The following CES5A variants were observed in gnomAD, a reference collection of about 807,000 sequenced individuals.
CES5A encodes carboxylesterase 5.
Under a neutral mutation model 62.9 loss-of-function variants are expected in CES5A, and 67 were observed. The observed-to-expected ratio is 1.07, with a 90% CI of 0.88 to 1.31. CES5A has a LOEUF of 1.31. Ranked by LOEUF, CES5A falls within the 50% of genes most tolerant of loss-of-function variation. The pLI is 0.00. For missense variants in CES5A, 748 were observed against 708.5 expected (o/e 1.06, Z -0.63); for synonymous variants, 296 against 280.8 (o/e 1.05, Z -0.54).
At chr16:55,944,135 C>G in intron 2 of CES5A, 1 of 701,852 alleles carries the variant, frequency 1.4e-6, no homozygotes, top group Non-Finnish European at 2.6e-6. Flanking sequence ...GACAACCTCT[C>G]TGTATTACTT....
intron 3 of CES5A, among the ~76,000 whole-genome samples, chr16:55,870,196 G>A (rs562264935): frequency 3.2e-4 from 49 of 152,132 alleles, no homozygotes; most frequent in African/African-American, 1.2e-3. Context: ...CCATGTATAA[G>A]AGCAAAAGCA....
At chr16:55,900,146 C>T (rs1384386771) in intron 1 of CES5A, among the ~76,000 whole-genome samples, 4 of 152,296 alleles carry the variant, frequency 2.6e-5, no homozygotes, top group East Asian at 3.9e-4. Context: ...ACCTCCATCG[C>T]AGGCTCATTT....
intron 9 of CES5A, among the ~76,000 whole-genome samples, chr16:55,854,531 C>CTTTCTGTTTTCTTTCTTTTT (rs1555479325): frequency 1.9e-5 from 1 of 52,164 alleles, no homozygotes; most frequent in Non-Finnish European, 3.6e-5. Context: ...TGTAGTGTTT[C>CTTTCTGTTTTCTTTCTTTTT]TTTTTTTTTT....
intron 7 of CES5A, among the ~76,000 whole-genome samples, chr16:55,860,432 A>G (rs1435082550): frequency 1.4e-5 from 2 of 144,132 alleles, no homozygotes; most frequent in Non-Finnish European, 3.0e-5. Flanking sequence ...AGGCTCCTCA[A>G]TAAGAAACTC....
intron 8 of CES5A, among the ~76,000 whole-genome samples, chr16:55,858,958 A>G (rs1328105842): frequency 6.6e-6 from 1 of 152,070 alleles, no homozygotes; most frequent in African/African-American, 2.4e-5. Context: ...TCATATATCT[A>G]TCACTCTCTG....
At chr16:55,880,839 T>A (rs1333682481) in intron 1 of CES5A, among the ~76,000 whole-genome samples, 1 of 152,196 alleles carries the variant, frequency 6.6e-6, no homozygotes, top group Non-Finnish European at 1.5e-5. Flanking sequence ...GAGTACACTG[T>A]GAAAATCAGA....
intron 2 of CES5A, 59 bp from the exon 3 acceptor site, chr16:55,871,822 G>A (rs749723780): frequency 6.3e-7 from 1 of 1,588,704 alleles, no homozygotes; most frequent in Non-Finnish European, 8.6e-7. Flanking sequence ...TGCCTGGGAA[G>A]GGCCAGTTCT....
chr16:55,949,813 A>G, exon 2 of CES5A: 1 of 1,512,578 alleles, frequency 6.6e-7, no homozygotes, highest in Non-Finnish European at 8.8e-7. Flanking sequence ...AGTTTAAGAC[A>G]TCAATCCTCA....
intron 7 of CES5A, among the ~76,000 whole-genome samples, chr16:55,860,560 A>C (rs1175190484): frequency 6.6e-6 from 1 of 152,214 alleles, no homozygotes; most frequent in Non-Finnish European, 1.5e-5. Flanking sequence ...GTGGTAGATG[A>C]AGTGGTCAGG....
chr16:55,887,723 G>A (rs1415249641), intron 1 of CES5A, among the ~76,000 whole-genome samples: 2 of 152,188 alleles, frequency 1.3e-5, no homozygotes, highest in Non-Finnish European at 2.9e-5. Context: ...GACGGTAAAA[G>A]ACATTGTCAT....
At chr16:55,864,765 T>C (rs1402560670) in intron 5 of CES5A, among the ~76,000 whole-genome samples, 1 of 152,116 alleles carries the variant, frequency 6.6e-6, no homozygotes, top group Non-Finnish European at 1.5e-5. Flanking sequence ...AAGAATTAGC[T>C]GGGCATGGTG....
Position 55,952,968 on chromosome 16 carries a change from C to A in CES5A, c.42+2876G>T, listed in dbSNP as rs906377333. ...GCAAGGAAAACATGGATGAAAGGAACAAGCCAATATTGTTTATGAGCAAAG... is the reference window on the plus strand; with the variant it reads ...GCAAGGAAAACATGGATGAAAGGAAAAAGCCAATATTGTTTATGAGCAAAG... On this transcript the variant is annotated intron_variant, in intron 1 of 13. Transcript: ENST00000521992. Among the ~76,000 whole-genome samples the A allele has an allele frequency of 3.9e-5, 6 of 152,220 alleles. No individual in the cohort carries two copies. The South Asian group carries it at 1.2e-3, about 32-fold the overall frequency.
chr16:55,949,876 C>G (rs1334425939), exon 2 of CES5A: 4 of 1,515,316 alleles, frequency 2.6e-6, no homozygotes, highest in East Asian at 2.5e-5. Flanking sequence ...GGCACAATCT[C>G]CACATTCCCC....
chr16:55,849,578 A>C, intron 11 of CES5A, 46 bp downstream of exon 11: 1 of 1,601,726 alleles, frequency 6.2e-7, no homozygotes, highest in East Asian at 2.2e-5. Flanking sequence ...GTGGTGGGGT[A>C]AGCAAGGGGC....
intron 2 of CES5A, chr16:55,949,740 C>A: frequency 1.1e-6 from 1 of 909,300 alleles, no homozygotes. Flanking sequence ...TGGCCAGACT[C>A]AAGGGGCAGA....
intron 1 of CES5A, among the ~76,000 whole-genome samples, chr16:55,897,203 C>T (rs145796323): frequency 6.6e-6 from 1 of 152,246 alleles, no homozygotes; most frequent in African/African-American, 2.4e-5. Context: ...CAGGGTACCA[C>T]TCCCTGCTGT....
chr16:55,870,056 TA>T (rs1255386002), intron 3 of CES5A, among the ~76,000 whole-genome samples: 2 of 152,234 alleles, frequency 1.3e-5, no homozygotes, highest in African/African-American at 4.8e-5. Context: ...TCATGAGGTT[TA>T]AACAAAATTC....
intron 1 of CES5A, among the ~76,000 whole-genome samples, chr16:55,897,966 G>A (rs909976640): frequency 1.3e-5 from 2 of 152,138 alleles, no homozygotes; most frequent in African/African-American, 4.8e-5. Context: ...AAAAAGCCAA[G>A]CATGAAAAGC....
intron 1 of CES5A, chr16:55,949,970 T>C (rs1715782433): frequency 1.6e-6 from 1 of 639,290 alleles, no homozygotes; most frequent in Non-Finnish European, 2.4e-6. Context: ...AAATATAATA[T>C]AACCAATACA....
Sources: allele counts gnomAD v4.1 joint callset (sites outside exome capture counted in the v4.1 genomes callset), GRCh38; gene constraint gnomAD v4.1.1; transcripts MANE v1.5; gene names NCBI Gene and HGNC (gene_info 2026-07-23, HGNC 2026-07-21).